PCF11: variants seen among roughly 807,000 people sequenced by gnomAD.
PCF11 encodes PCF11 cleavage and polyadenylation factor subunit.
In PCF11, 19 loss-of-function variants were observed where a neutral mutation model predicts 166.1. The ratio of observed to expected loss-of-function variants is 0.11; its 90% confidence interval spans 0.08 to 0.17. PCF11 has a LOEUF of 0.17. Ranked by LOEUF, PCF11 falls within the 10% of genes least tolerant of loss-of-function variation. PCF11 has a pLI of 1.00. For synonymous variants in PCF11, 663 were observed against 644.1 expected (o/e 1.03, Z -0.44); for missense variants, 1,565 against 1,855.5 (o/e 0.84, Z 2.88).
chr11:83,184,722 T>C (rs749258842), exon 16 of PCF11: 5 of 1,612,544 alleles, frequency 3.1e-6, no homozygotes, highest in South Asian at 1.1e-5. Flanking sequence ...AAGACACCAG[T>C]TGAAAACCCC....
In PCF11 at chr11:83,165,809, A is replaced by G. The variant is rs780109223; in HGVS notation, c.912A>G (p.Gln304=). The change falls in exon 5 of 16, where the codon CAA becomes CAG. Residue 304 remains glutamine (Q), a synonymous_variant. Transcript: ENST00000298281. ...ATCCTCGTCTGAACAGGATAAGCCA[A>G]CATTCTCATGGAAAAGATCAGAGTC... The G allele has an allele frequency of 2.5e-6, 4 of 1,611,014 alleles. 1 individual carries two copies. The highest frequency in any genetic ancestry group is 2.2e-5 in the South Asian group (2 of 90,382).
intron 13 of PCF11, 72 bp from the exon 14 acceptor site, chr11:83,182,323 GTGTT>G: frequency 1.3e-6 from 1 of 765,768 alleles, no homozygotes; most frequent in Admixed American, 2.5e-5. Context: ...CCACTTAACA[GTGTT>G]TGTATATTTT....
intron 5 of PCF11, among the ~76,000 whole-genome samples, 158 bp downstream of exon 5, chr11:83,166,872 T>C (rs1860482882): frequency 6.6e-6 from 1 of 152,202 alleles, no homozygotes; most frequent in Non-Finnish European, 1.5e-5. Context: ...TATTTCTATT[T>C]TACAGATAAG....
At position 83,182,693 on chromosome 11, in the gene PCF11, G is replaced by T. The variant is rs146632718; in HGVS notation, c.4416+202G>T. Reference sequence around the variant, plus strand: ...CGGTTCTGTACACTTTACACAGGAGGTTGCACTATTAGTCAGTGACAGACC... The same window carrying T: ...CGGTTCTGTACACTTTACACAGGAGTTTGCACTATTAGTCAGTGACAGACC... On this transcript the variant is annotated intron_variant, in intron 14 of 15. Transcript: ENST00000298281. Among the ~76,000 whole-genome samples the T allele has an allele frequency of 5.0e-4, 76 of 152,246 alleles. No homozygotes were observed. The East Asian group carries it at 0.013, about 27-fold the overall frequency.
rs534812955 is a variant in PCF11 at position 83,171,242 on chromosome 11, A to G, written c.3661-576A>G. 5.2e-4 allele frequency: 230 copies of G among 438,558 alleles called. 4 individuals carry two copies. The highest frequency in any genetic ancestry group is 3.0e-3 in the South Asian group (183 of 61,068). The allele number at this position is 438,558 out of a possible 1,614,324, so 27.2% of individuals were successfully genotyped here. On this transcript the variant is annotated intron_variant, in intron 8 of 15. Coordinates refer to ENST00000298281, the Ensembl canonical transcript of PCF11. ...AAGACCTTTTACAAGATTACTTTGTAATGTGGCTATAACCATGTGCAAAGA... is the reference window on the plus strand; with the variant it reads ...AAGACCTTTTACAAGATTACTTTGTGATGTGGCTATAACCATGTGCAAAGA...
intron 4 of PCF11, among the ~76,000 whole-genome samples, chr11:83,164,749 T>C (rs1017212953): frequency 6.6e-6 from 1 of 150,880 alleles, no homozygotes; most frequent in Non-Finnish European, 1.5e-5. Flanking sequence ...GGGTAGTGCA[T>C]CCTTGTGATC....
chr11:83,180,958 G>T (rs1477338690), intron 11 of PCF11, 50 bp from the exon 12 acceptor site: 1 of 1,032,788 alleles, frequency 9.7e-7, no homozygotes, highest in Admixed American at 2.5e-5. Context: ...GCTTTTAAAG[G>T]CCATTAAGCC....
chr11:83,177,634 T>C, intron 10 of PCF11, 80 bp from the exon 11 acceptor site: 1 of 620,542 alleles, frequency 1.6e-6, no homozygotes, highest in South Asian at 3.4e-5. Context: ...CTCTATTTGC[T>C]TATAATACTA....
chr11:83,160,390 G>A (rs978067325), intron 1 of PCF11, among the ~76,000 whole-genome samples: 1 of 136,248 alleles, frequency 7.3e-6, no homozygotes, highest in African/African-American at 2.8e-5. Flanking sequence ...TGGAGTCAGA[G>A]TTAAAACTAT....
chr11:83,157,280 TC>T, exon 1 of PCF11: 3 of 624,324 alleles, frequency 4.8e-6, no homozygotes, highest in Non-Finnish European at 8.3e-6. Context: ...TACCCGAGGT[TC>T]CCCCTGTGTC....
intron 7 of PCF11, among the ~76,000 whole-genome samples, chr11:83,168,143 T>A (rs1860538720): frequency 6.6e-6 from 1 of 152,216 alleles, no homozygotes; most frequent in Non-Finnish European, 1.5e-5. Flanking sequence ...CTCACAACAA[T>A]ACAATGAAGT....
In PCF11 at chr11:83,167,567, G is replaced by T; in HGVS notation, c.2092+62G>T. ...AAGAAAATAAAGGTGGATTAAAAAA[G>T]AAACCTCTCTTATCTGATGCTGAAT... On this transcript the variant is annotated intron_variant, in intron 7 of 15. Coordinates refer to ENST00000298281, the Ensembl canonical transcript of PCF11. The surrounding 1 kb of genome is among the most constrained non-coding windows in gnomAD (Gnocchi z 4.2). The T allele has an allele frequency of 1.3e-6, 2 of 1,565,928 alleles. No individual in the cohort carries two copies. Among genetic ancestry groups the T allele is most frequent in the Non-Finnish European group, 8.7e-7 (1 of 1,155,072 alleles).
intron 12 of PCF11, among the ~76,000 whole-genome samples, chr11:83,181,566 T>C (rs1239890079): frequency 2.6e-5 from 4 of 151,182 alleles, no homozygotes; most frequent in Non-Finnish European, 4.4e-5. Context: ...AGGCTTGTTC[T>C]AGCTCTAAAA....
At chr11:83,178,629 T>G (rs1860968878) in intron 11 of PCF11, among the ~76,000 whole-genome samples, 1 of 151,684 alleles carries the variant, frequency 6.6e-6, no homozygotes, top group Admixed American at 6.6e-5. Context: ...CTGGCTAACA[T>G]GGTGAAACCC....
intron 3 of PCF11, 110 bp downstream of exon 3, chr11:83,163,977 G>A (rs1411360983): frequency 3.5e-6 from 2 of 574,486 alleles, no homozygotes; most frequent in Admixed American, 3.9e-5. Flanking sequence ...TAGTGAATTG[G>A]TTCAATTTGA....
At chr11:83,157,345 AGCCGGG>A in exon 1 of PCF11, 1 of 1,142,042 alleles carries the variant, frequency 8.8e-7, no homozygotes, top group South Asian at 1.4e-5. Flanking sequence ...GCCGCGAGAG[AGCCGGG>A]GAGAGGAAGA....
At chr11:83,181,353 AC>A (rs1861077122) in intron 12 of PCF11, among the ~76,000 whole-genome samples, 162 bp downstream of exon 12, 1 of 151,440 alleles carries the variant, frequency 6.6e-6, no homozygotes, top group African/African-American at 2.4e-5. Flanking sequence ...ATAAAATTTG[AC>A]CCCTAGAATA....
intron 9 of PCF11, among the ~76,000 whole-genome samples, chr11:83,176,416 G>A (rs1380810569): frequency 6.6e-6 from 1 of 152,100 alleles, no homozygotes; most frequent in Admixed American, 6.6e-5. Flanking sequence ...ATTCACAATA[G>A]CAAAGACTTG....
intron 15 of PCF11, among the ~76,000 whole-genome samples, 194 bp downstream of exon 15, chr11:83,183,267 A>G (rs1473658844): frequency 6.6e-6 from 1 of 152,142 alleles, no homozygotes; most frequent in Non-Finnish European, 1.5e-5. Context: ...TATGAATATC[A>G]TTTTCTGTGA....
Sources: allele counts gnomAD v4.1 joint callset (sites outside exome capture counted in the v4.1 genomes callset), GRCh38; gene constraint gnomAD v4.1.1; non-coding constraint Gnocchi (gnomAD v3.1); transcripts MANE v1.5; gene names NCBI Gene and HGNC (gene_info 2026-07-23, HGNC 2026-07-21).